Variants in USP6 observed in about 807,000 individuals in gnomAD.
USP6 encodes ubiquitin carboxyl-terminal hydrolase 6.
In USP6, 128 loss-of-function variants were observed where a neutral mutation model predicts 175.7. That is an observed-to-expected ratio of 0.73 (90% CI 0.63 to 0.84). The LOEUF (loss-of-function observed/expected upper bound fraction) is 0.84, where lower values mean the gene tolerates loss of function less well. Among genes scored for constraint, USP6 ranks in the 40% least tolerant of loss-of-function variants. The pLI is 0.00. For missense variants in USP6, 1,498 were observed against 1,760.3 expected, an observed-to-expected ratio of 0.85 and a Z score of 2.67; for synonymous variants, 562 against 630.6, an observed-to-expected ratio of 0.89 and a Z score of 1.63.
chr17:5,144,737 A>C lies in USP6; in HGVS notation c.1866A>C (p.Gln622His). Residue 622 changes from glutamine to histidine, a missense_variant, in exon 26 of 38, where the codon CAA becomes CAC. By Grantham distance (24) the Gln-to-His change is conservative. Transcript: ENST00000574788. The stretch of plus-strand genomic sequence containing the variant: ...CCAAGTTTGATGGGTTTCAGCAACA[A>C]GACTCCCAAGAACTTCTGGCTTTTC... ...YAPKFDGFQQ[Q>H]DSQELLAFLL... The C allele has an allele frequency of 6.2e-7, 1 of 1,613,852 alleles. No individual in the cohort carries two copies. Among genetic ancestry groups the C allele is most frequent in the Non-Finnish European group, 8.5e-7 (1 of 1,179,832 alleles).
intron 37 of USP6, 28 bp downstream of exon 37, chr17:5,171,707 G>A: frequency 1.2e-6 from 2 of 1,606,936 alleles, no homozygotes; most frequent in Non-Finnish European, 8.5e-7. Flanking sequence ...TTGAATGAAA[G>A]TTAGAATATC....
At chr17:5,140,448 C>G (rs2073411770) in intron 22 of USP6, among the ~76,000 whole-genome samples, 1 of 152,100 alleles carries the variant, frequency 6.6e-6, no homozygotes, top group Admixed American at 6.6e-5. Context: ...TGGCATGTGC[C>G]TATAGTCCCA....
At position 5,132,809 on chromosome 17, in the gene USP6, A is replaced by G. The variant is rs56330904; in HGVS notation, c.196-101A>G. On this transcript the variant is annotated intron_variant, in intron 12 of 37. Coordinates refer to ENST00000574788, the MANE Select transcript of USP6 (RefSeq NM_001304284.2). This position sits in a 1 kb window ranked among gnomAD's most constrained non-coding sequence, Gnocchi z 4.7. ...GGTCTGCCCTTCCCTGGCTCCTTCC[A>G]GTTGGGTCCCACCAGGGCTCCAGAG... 1 of 1,404,856 alleles carries G rather than the reference A, an allele frequency of 7.1e-7. No homozygotes were observed. Among genetic ancestry groups the G allele is most frequent in the Admixed American group, 1.7e-5 (1 of 59,534 alleles). 87.0% of individuals were successfully genotyped at this position (1,404,856 alleles called of 1,614,324 possible).
chr17:5,134,019 G>A (rs2073171418), intron 15 of USP6, 23 bp downstream of exon 15: 6 of 1,608,362 alleles, frequency 3.7e-6, no homozygotes, highest in Non-Finnish European at 5.1e-6. Context: ...GAGCCACACA[G>A]TCCCAGCAGA....
chr17:5,147,217 T>C, intron 29 of USP6, 23 bp downstream of exon 29: 1 of 1,582,378 alleles, frequency 6.3e-7, no homozygotes, highest in Non-Finnish European at 8.7e-7. Context: ...TAGAACTCCT[T>C]CTCATGACTG....
Position 5,142,411 on chromosome 17 carries a change from G to C in USP6, c.1727G>C (p.Gly576Ala). Residue 576 changes from glycine (G) to alanine (A), a missense_variant, in exon 25 of 38, where the codon GGT becomes GCT. Gly to Ala is a moderately conservative substitution (Grantham distance 60). This residue lies in a region of USP6 where 1,217 missense variants were observed against 1,500.8 expected (regional missense o/e 0.81). Transcript: ENST00000574788. ...LYELNRTNPIGMKGHMAKCYG... is the reference protein window; with the variant it reads ...LYELNRTNPIAMKGHMAKCYG... ...CAAACTTCTAGGACAAATCCCATTG[G>C]TATGAAGGGGCATATGGCTAAATGC... 1 of 1,613,666 alleles carries C rather than the reference G, an allele frequency of 6.2e-7. No homozygotes were observed. Among genetic ancestry groups the C allele is most frequent in the Non-Finnish European group, 8.5e-7 (1 of 1,179,728 alleles).
intron 33 of USP6, 117 bp from the exon 34 acceptor site, chr17:5,167,810 ATTTTC>A: frequency 8.2e-7 from 1 of 1,224,098 alleles, no homozygotes; most frequent in South Asian, 1.7e-5. Flanking sequence ...AGCCAGTTGT[ATTTTC>A]TTTTTCCTTA....
rs775686931 is a variant in USP6 at position 5,146,188 on chromosome 17, C to T, written c.2319+14C>T. 2 of 1,589,242 alleles carry T rather than the reference C, an allele frequency of 1.3e-6. No homozygotes were observed. The highest frequency in any genetic ancestry group is 1.7e-6 in the Non-Finnish European group (2 of 1,166,180). Reference sequence around the variant, plus strand: ...TCCAACATAAAGGTAATGTTAACTACTCTAAGAAACTTTTGATTCTATCCT... The same window carrying T: ...TCCAACATAAAGGTAATGTTAACTATTCTAAGAAACTTTTGATTCTATCCT... On this transcript the variant is annotated intron_variant, in intron 28 of 37. Transcript: ENST00000574788.
chr17:5,118,491 G>C (rs1265245719), intron 2 of USP6, among the ~76,000 whole-genome samples: 1 of 152,256 alleles, frequency 6.6e-6, no homozygotes. Flanking sequence ...AATCCCCAGA[G>C]GGAGTGTTAC....
In USP6 at chr17:5,121,416, C is replaced by T. The variant is rs915727047; in HGVS notation, c.-1633C>T. The T allele has an allele frequency of 9.3e-6, 3 of 321,746 alleles. No individual in the cohort carries two copies. The highest frequency in any genetic ancestry group is 4.3e-5 in the African/African-American group (2 of 46,274). The allele number at this position is 321,746 out of a possible 1,614,324, so 19.9% of individuals were successfully genotyped here. A position where few individuals can be genotyped will look rare whatever the true frequency, so the allele number is the denominator to read the frequency against. Reference sequence around the variant, plus strand: ...GCGAGGTGGCCACCAACACAGAGGCCCTGCAGAGCGGCAGGATAGAGATAT... The same window carrying T: ...GCGAGGTGGCCACCAACACAGAGGCTCTGCAGAGCGGCAGGATAGAGATAT... On this transcript the variant is annotated 5_prime_UTR_variant, in exon 4 of 38. Transcript: ENST00000574788.
At chr17:5,142,738 T>G (rs1437860058) in intron 25 of USP6, among the ~76,000 whole-genome samples, 1 of 152,250 alleles carries the variant, frequency 6.6e-6, no homozygotes, top group East Asian at 1.9e-4. Flanking sequence ...ATGTCATTCA[T>G]TTTACTAATT....
At position 5,135,821 on chromosome 17, in the gene USP6, G is replaced by A; in HGVS notation, c.557G>A (p.Cys186Tyr). ...YSEYNPEVGY[C>Y]RDLSHITALF... ...TGGCTCTTGCAGGAGGTGGGCTACT[G>A]CAGGGACCTGAGCCACATCACCGCC... The change falls in exon 17 of 38, where the codon TGC (cysteine) becomes TAC (tyrosine). Residue 186 changes from cysteine (C) to tyrosine (Y), a missense_variant. Coordinates refer to ENST00000574788, the MANE Select transcript of USP6 (RefSeq NM_001304284.2). 6.3e-7 allele frequency: 1 copy of A among 1,598,276 alleles called. No individual in the cohort carries two copies. The highest frequency in any genetic ancestry group is 8.5e-7 in the Non-Finnish European group (1 of 1,179,750).
chr17:5,136,331 G>A (rs781656754), intron 17 of USP6, among the ~76,000 whole-genome samples: 5 of 152,168 alleles, frequency 3.3e-5, no homozygotes, highest in African/African-American at 9.7e-5. Flanking sequence ...CCCCTGGCCC[G>A]ACCCCACTTC....
Position 5,138,164 on chromosome 17 carries a change from G to GTTC in USP6, c.969_970insTTC (p.Leu323_Arg324insPhe). On this transcript the variant is annotated inframe_insertion, in exon 21 of 38. Transcript: ENST00000574788. Reference sequence around the variant, plus strand: ...CCAGGTGTGGCCTGTGGGCACGTCTGCGGAACCAATTCTTCGATACCTGGG... The same window carrying GTTC: ...CCAGGTGTGGCCTGTGGGCACGTCTGTTCCGGAACCAATTCTTCGATACCTGGG... 1 of 1,614,092 alleles carries GTTC rather than the reference G, an allele frequency of 6.2e-7. No homozygotes were observed. The highest frequency in any genetic ancestry group is 8.5e-7 in the Non-Finnish European group (1 of 1,179,988).
At chr17:5,124,074 C>T (rs894878278) in intron 4 of USP6, among the ~76,000 whole-genome samples, 1 of 152,186 alleles carries the variant, frequency 6.6e-6, no homozygotes, top group Non-Finnish European at 1.5e-5. Context: ...CATGTGTGGA[C>T]AGGCTGCCTA....
In USP6 at chr17:5,141,437, A is replaced by G. The variant is rs774896149; in HGVS notation, c.1511A>G (p.Asp504Gly). Residue 504 changes from aspartate (D) to glycine (G), a missense_variant, in exon 23 of 38, where the codon GAT becomes GGT. Asp to Gly is a moderately conservative substitution (Grantham distance 94, BLOSUM62 -1). Transcript: ENST00000574788. ...AEHCGEVHNKDMSWPEEMSFT... is the reference protein window; with the variant it reads ...AEHCGEVHNKGMSWPEEMSFT... ...TCTGTCCTTCCAGTTCACAACAAAG[A>G]TATGAGTTGGCCTGAGGAGATGTCT... The G allele has an allele frequency of 2.2e-5, 35 of 1,609,104 alleles. No homozygotes were observed. Among genetic ancestry groups the G allele is most frequent in the African/African-American group, 2.7e-5 (2 of 74,734 alleles).
intron 11 of USP6, among the ~76,000 whole-genome samples, chr17:5,131,693 C>T (rs2073074196): frequency 1.3e-5 from 2 of 150,886 alleles, no homozygotes; most frequent in Non-Finnish European, 3.0e-5. Flanking sequence ...GGGCTTGTGA[C>T]TAAAGACCCT....
chr17:5,174,543 T>C lies in USP6; in HGVS notation c.*1565T>C, dbSNP rs1210876224. The C allele has an allele frequency of 2.1e-5, 4 of 193,004 alleles. No individual in the cohort carries two copies. The highest frequency in any genetic ancestry group is 1.8e-3 in the Middle Eastern group (1 of 570). 12.0% of individuals were successfully genotyped at this position (193,004 alleles called of 1,614,324 possible). On this transcript the variant is annotated 3_prime_UTR_variant, in exon 38 of 38. Transcript: ENST00000574788. ...GGTAGGAGTGGCCTAAATTGTCTAA[T>C]GTAATAAAGTCAGACAAAATGCACA...
intron 30 of USP6, among the ~76,000 whole-genome samples, chr17:5,154,070 T>G (rs2073831870): frequency 6.6e-6 from 1 of 152,196 alleles, no homozygotes; most frequent in Admixed American, 6.5e-5. Context: ...GGATGAAAAT[T>G]GTGTGGGTTT....
Sources: gnomAD v4.1 joint callset for allele counts (sites outside exome capture counted in the v4.1 genomes callset) on GRCh38, gnomAD v4.1.1 for gene constraint, gnomAD v4.1.1 regional missense constraint, Gnocchi (gnomAD v3.1) non-coding constraint, MANE v1.5 for transcripts, NCBI Gene and HGNC (gene_info 2026-07-23, HGNC 2026-07-21) for gene names.